ZMPSTE24: variants seen among roughly 807,000 people sequenced by gnomAD.
ZMPSTE24 encodes zinc metallopeptidase STE24.
ZMPSTE24 carries 48 observed loss-of-function variants against 56.7 expected under a neutral mutation model. That is an observed-to-expected ratio of 0.85 (90% CI 0.67 to 1.08). ZMPSTE24 has a LOEUF of 1.08. Ranked by LOEUF, ZMPSTE24 falls within the 50% of genes least tolerant of loss-of-function variation. The pLI is 0.00. For synonymous variants in ZMPSTE24, 172 were observed against 195.2 expected (o/e 0.88, Z 0.99); for missense variants, 503 against 548.7 (o/e 0.92, Z 0.83).
At chr1:40,279,886 G>A (rs1417021128) in intron 6 of ZMPSTE24, among the ~76,000 whole-genome samples, 1 of 152,016 alleles carries the variant, frequency 6.6e-6, no homozygotes, top group Non-Finnish European at 1.5e-5. Flanking sequence ...CCTTTTTTTG[G>A]TGCAAGTTTG....
chr1:40,285,249 G>A (rs965999811), intron 7 of ZMPSTE24, among the ~76,000 whole-genome samples: 2 of 151,980 alleles, frequency 1.3e-5, no homozygotes, highest in African/African-American at 4.8e-5. Context: ...TGCAATTACA[G>A]GCGCATACCA....
At chr1:40,287,761 G>A (rs186839757) in intron 8 of ZMPSTE24, among the ~76,000 whole-genome samples, 8 of 151,978 alleles carry the variant, frequency 5.3e-5, no homozygotes, top group South Asian at 2.1e-4. Context: ...TCCTCTTCTC[G>A]GTTCTAGAAC....
In ZMPSTE24 at chr1:40,285,952, G is replaced by C; in HGVS notation, c.982G>C (p.Glu328Gln). ...TAAGAAACAAGGATGTAAAAATGAG[G>C]AGGTACTCGCTGTACTAGGCCATGA... is the stretch of plus-strand genomic sequence containing the variant. ...KNKKQGCKNE[E>Q]VLAVLGHELG... Residue 328 changes from glutamate to glutamine, a missense_variant, in exon 8 of 10, where the codon GAG (glutamate) becomes CAG (glutamine). Coordinates refer to ENST00000372759, the MANE Select transcript of ZMPSTE24 (RefSeq NM_005857.5). The C allele has an allele frequency of 6.2e-7, 1 of 1,613,826 alleles. No homozygotes were observed. The highest frequency in any genetic ancestry group is 8.5e-7 in the Non-Finnish European group (1 of 1,179,844).
chr1:40,262,707 A>T, intron 2 of ZMPSTE24: 1 of 490,566 alleles, frequency 2.0e-6, no homozygotes, highest in Non-Finnish European at 2.8e-6. Context: ...TCCAAACTTG[A>T]CTTAATATTT....
chr1:40,288,868 A>C (rs2123997486), intron 8 of ZMPSTE24, among the ~76,000 whole-genome samples: 1 of 152,180 alleles, frequency 6.6e-6, no homozygotes, highest in East Asian at 1.9e-4. Flanking sequence ...AAATTAGGAT[A>C]TATATCCTTG....
At chr1:40,268,568 A>G in intron 4 of ZMPSTE24, 33 bp downstream of exon 4, 1 of 1,419,654 alleles carries the variant, frequency 7.0e-7, no homozygotes, top group Non-Finnish European at 9.9e-7. Context: ...TCTCTTTTAA[A>G]TGTGAAAAAC....
intron 8 of ZMPSTE24, among the ~76,000 whole-genome samples, chr1:40,288,798 C>T (rs1388110405): frequency 6.6e-6 from 1 of 151,942 alleles, no homozygotes; most frequent in African/African-American, 2.4e-5. Flanking sequence ...CGTTAGCCAT[C>T]CTCTACTTTT....
chr1:40,265,061 A>G (rs1643536225), intron 2 of ZMPSTE24, among the ~76,000 whole-genome samples: 1 of 152,038 alleles, frequency 6.6e-6, no homozygotes, highest in Non-Finnish European at 1.5e-5. Flanking sequence ...AAAGAAACTA[A>G]ACATGCTTTG....
intron 2 of ZMPSTE24, among the ~76,000 whole-genome samples, chr1:40,264,718 A>C (rs959584606): frequency 2.0e-5 from 3 of 151,608 alleles, no homozygotes; most frequent in Admixed American, 2.0e-4. Context: ...TTTGCAAAAA[A>C]ATTTTTAAAA....
intron 2 of ZMPSTE24, among the ~76,000 whole-genome samples, chr1:40,266,696 T>C (rs720793): frequency 0.25 from 38,080 of 151,326 alleles, 4,937 homozygotes; most frequent in African/African-American, 0.26. Flanking sequence ...AAGACAATTA[T>C]GGAGCCATAT....
intron 8 of ZMPSTE24, 80 bp from the exon 9 acceptor site, chr1:40,290,774 C>A: frequency 1.3e-6 from 2 of 1,572,176 alleles, no homozygotes; most frequent in Admixed American, 3.4e-5. Flanking sequence ...ACTGTGATTT[C>A]TTATACTTTA....
intron 8 of ZMPSTE24, chr1:40,290,610 G>A (rs986226633): frequency 3.2e-4 from 122 of 380,076 alleles, no homozygotes; most frequent in Non-Finnish European, 1.4e-4. Flanking sequence ...ACAGGCATCC[G>A]CCACCACGTC....
chr1:40,291,897 G>T (rs1012795975), intron 9 of ZMPSTE24, among the ~76,000 whole-genome samples: 4 of 150,780 alleles, frequency 2.7e-5, no homozygotes, highest in African/African-American at 9.8e-5. Flanking sequence ...CTGGAGTGCA[G>T]GGGTGTCATC....
intron 4 of ZMPSTE24, among the ~76,000 whole-genome samples, chr1:40,269,032 C>T (rs1643585131): frequency 1.4e-5 from 2 of 144,252 alleles, no homozygotes; most frequent in African/African-American, 2.6e-5. Context: ...GCTGAGATCT[C>T]GCCACTGCAC....
At position 40,288,923 on chromosome 1, in the gene ZMPSTE24, A is replaced by G. The variant is rs111721420; in HGVS notation, c.1060-1931A>G. ...CCAGGCTGAGTAGACAGTGAGATAT[A>G]CACCTTAAAGTTCACCTCACCGAGA... On this transcript the variant is annotated intron_variant, in intron 8 of 9. Coordinates refer to ENST00000372759, the MANE Select transcript of ZMPSTE24 (RefSeq NM_005857.5). 4.2e-3 allele frequency among the ~76,000 whole-genome samples: 645 copies of G among 152,158 alleles called. 10 individuals carry two copies. The highest frequency in any genetic ancestry group is 0.015 in the African/African-American group (606 of 41,520).
At chr1:40,265,603 G>A (rs985565337) in intron 2 of ZMPSTE24, among the ~76,000 whole-genome samples, 1 of 152,118 alleles carries the variant, frequency 6.6e-6, no homozygotes, top group Non-Finnish European at 1.5e-5. Context: ...GGCTGACATG[G>A]AAAGATCCTT....
At chr1:40,275,138 G>A (rs974512100) in intron 6 of ZMPSTE24, among the ~76,000 whole-genome samples, 7 of 151,974 alleles carry the variant, frequency 4.6e-5, no homozygotes, top group African/African-American at 1.5e-4. Context: ...GCACTATTTG[G>A]ACCAGGCGCA....
chr1:40,273,537 A>AAAAAAAATATAT (rs1224234676), intron 6 of ZMPSTE24, among the ~76,000 whole-genome samples: 6 of 12,388 alleles, frequency 4.8e-4, no homozygotes, highest in Admixed American at 2.6e-3. Context: ...AAAAAAAAAA[A>AAAAAAAATATAT]ATATATATAT....
chr1:40,260,729 C>T (rs997551373), intron 1 of ZMPSTE24, 110 bp from the exon 2 acceptor site: 3 of 1,125,138 alleles, frequency 2.7e-6, no homozygotes, highest in Admixed American at 4.0e-5. Flanking sequence ...AGGTATAAAG[C>T]AAATTCAACA....
Sources: allele counts gnomAD v4.1 joint callset (sites outside exome capture counted in the v4.1 genomes callset), GRCh38; gene constraint gnomAD v4.1.1; transcripts MANE v1.5; gene names NCBI Gene and HGNC (gene_info 2026-07-23, HGNC 2026-07-21).